Variants in LOC400499 observed in about 807,000 individuals in gnomAD.
At chr16:11,505,304 A>C in the LOC400499 span, among the ~76,000 whole-genome samples, 5 of 152,032 alleles carry the variant, frequency 3.3e-5, no homozygotes, top group African/African-American at 9.7e-5. Flanking sequence ...TCCACCACAC[A>C]GTTACAATAA....
At chr16:11,434,797 G>A in the LOC400499 span, among the ~76,000 whole-genome samples, 3 of 152,162 alleles carry the variant, frequency 2.0e-5, no homozygotes, top group Non-Finnish European at 4.4e-5. Flanking sequence ...TGGTCCCAGA[G>A]GCAGCCGTGG....
the LOC400499 span, chr16:11,521,943 G>C: frequency 2.3e-5 from 9 of 399,066 alleles, no homozygotes; most frequent in Non-Finnish European, 4.0e-5. Context: ...GTTGCCCAAA[G>C]ACACTCACCC....
the LOC400499 span, chr16:11,460,456 G>T: frequency 1.2e-5 from 18 of 1,510,598 alleles, no homozygotes; most frequent in African/African-American, 2.3e-4. Flanking sequence ...TCCGGATGTC[G>T]CACCTGGCCT....
At chr16:11,438,009 C>T in the LOC400499 span, among the ~76,000 whole-genome samples, 1 of 152,214 alleles carries the variant, frequency 6.6e-6, no homozygotes, top group Admixed American at 6.5e-5. Context: ...GGTTCCCACC[C>T]AAGATCTTCC....
At chr16:11,394,261 G>A in the LOC400499 span, among the ~76,000 whole-genome samples, 6 of 152,326 alleles carry the variant, frequency 3.9e-5, no homozygotes, top group Non-Finnish European at 7.4e-5. Context: ...TTGGGGGCAC[G>A]GCAGGGACCA....
chr16:11,517,977 A>G, the LOC400499 span, among the ~76,000 whole-genome samples: 1 of 152,194 alleles, frequency 6.6e-6, no homozygotes, highest in Non-Finnish European at 1.5e-5. Flanking sequence ...TCCAGCTCCA[A>G]CTGAAGCCTG....
At chr16:11,397,808 AC>A in the LOC400499 span, among the ~76,000 whole-genome samples, 1 of 150,300 alleles carries the variant, frequency 6.7e-6, no homozygotes, top group Non-Finnish European at 1.5e-5. Context: ...GGATGGACGG[AC>A]GGATGAATGG....
At chr16:11,473,189 CT>C in the LOC400499 span, 13 of 151,404 alleles carry the variant, frequency 8.6e-5, no homozygotes, top group South Asian at 2.7e-3. Flanking sequence ...AATCAGAAAG[CT>C]CAGAAAGATT....
the LOC400499 span, among the ~76,000 whole-genome samples, chr16:11,448,551 C>G: frequency 3.0e-5 from 1 of 33,288 alleles, no homozygotes; most frequent in Non-Finnish European, 2.0e-4. Context: ...AACAAACAAA[C>G]AAACAAACAA....
the LOC400499 span, among the ~76,000 whole-genome samples, chr16:11,500,189 G>A: frequency 1.3e-5 from 2 of 152,140 alleles, no homozygotes; most frequent in Non-Finnish European, 2.9e-5. Flanking sequence ...CCAGGATAGA[G>A]GTACCACTGC....
the LOC400499 span, among the ~76,000 whole-genome samples, chr16:11,504,637 A>G: frequency 1.2e-3 from 189 of 151,770 alleles, no homozygotes; most frequent in Non-Finnish European, 2.2e-3. Context: ...GATAATAGTG[A>G]TAAGGCTGGG....
At chr16:11,398,610 G>A in the LOC400499 span, 18 of 938,864 alleles carry the variant, frequency 1.9e-5, no homozygotes, top group African/African-American at 2.9e-4. Flanking sequence ...CATGTGCCAG[G>A]AATGTGCCGT....
the LOC400499 span, among the ~76,000 whole-genome samples, chr16:11,403,008 G>A: frequency 2.6e-5 from 4 of 151,902 alleles, no homozygotes; most frequent in Non-Finnish European, 4.4e-5. Flanking sequence ...CTGAGTCCTC[G>A]CAACAACAGA....
the LOC400499 span, among the ~76,000 whole-genome samples, chr16:11,506,789 C>G: frequency 6.6e-6 from 1 of 152,182 alleles, no homozygotes. Context: ...CTCCTGCCCA[C>G]CATCAATGGG....
At chr16:11,393,003 C>T in the LOC400499 span, among the ~76,000 whole-genome samples, 1 of 152,110 alleles carries the variant, frequency 6.6e-6, no homozygotes, top group Non-Finnish European at 1.5e-5. Flanking sequence ...TACAGGCACC[C>T]GCTACTGTGC....
chr16:11,432,472 G>C, the LOC400499 span, among the ~76,000 whole-genome samples: 1 of 152,184 alleles, frequency 6.6e-6, no homozygotes, highest in Non-Finnish European at 1.5e-5. Flanking sequence ...GGTAGAGAGA[G>C]AGTAATATGC....
At chr16:11,422,743 G>C in the LOC400499 span, among the ~76,000 whole-genome samples, 3 of 152,194 alleles carry the variant, frequency 2.0e-5, no homozygotes, top group Admixed American at 6.5e-5. Context: ...ACAGGACAAA[G>C]AGAAAGGCAT....
the LOC400499 span, chr16:11,439,499 G>A: frequency 2.5e-6 from 1 of 399,080 alleles, no homozygotes; most frequent in East Asian, 3.6e-5. Flanking sequence ...CTGGAAGTTT[G>A]GAGGAAATGT....
the LOC400499 span, chr16:11,390,550 T>C: frequency 5.7e-6 from 6 of 1,051,322 alleles, no homozygotes; most frequent in South Asian, 9.8e-5. Flanking sequence ...CTCGAGGAGA[T>C]AGGGCCTGTT....
Sources: gnomAD v4.1 joint callset for allele counts (sites outside exome capture counted in the v4.1 genomes callset) on GRCh38, gnomAD v4.1.1 for gene constraint, MANE v1.5 for transcripts.